Variants in ENPP7 observed in about 807,000 individuals in gnomAD.
The protein encoded by ENPP7 is ectonucleotide pyrophosphatase/phosphodiesterase 7.
Under a neutral mutation model 33.6 loss-of-function variants are expected in ENPP7, and 39 were observed. That is an observed-to-expected ratio of 1.16 (90% CI 0.90 to 1.52). The LOEUF is 1.52. Among genes scored for constraint, ENPP7 ranks in the 40% most tolerant of loss-of-function variants. ENPP7 has a pLI of 0.00. For synonymous variants in ENPP7, 244 were observed against 274.3 expected (o/e 0.89, Z 1.09); for missense variants, 594 against 641.0 (o/e 0.93, Z 0.79).
Position 79,742,065 on chromosome 17 carries a change from A to G in ENPP7, c.*288A>G, listed in dbSNP as rs967172554. The G allele has an allele frequency of 2.9e-5, 14 of 480,888 alleles. No homozygotes were observed. The highest frequency in any genetic ancestry group is 2.8e-4 in the African/African-American group (13 of 47,132). The allele number at this position is 480,888 out of a possible 1,614,324, so 29.8% of individuals were successfully genotyped here. A position where few individuals can be genotyped will look rare whatever the true frequency, so the allele number is the denominator to read the frequency against. On this transcript the variant is annotated 3_prime_UTR_variant, in exon 6 of 6. Transcript: ENST00000328313. ...CCTTCGGGCCCCCTCCTCCTGCAAA[A>G]CCCGCTCCCGAAGCGGCGCTGCCGT...
chr17:79,731,011 G>A lies in ENPP7; in HGVS notation c.-129G>A, dbSNP rs1361775244. The A allele has an allele frequency of 5.4e-5, 58 of 1,065,118 alleles. No homozygotes were observed. The Middle Eastern group carries it at 1.9e-3, about 35-fold the overall frequency. The allele number at this position is 1,065,118 out of a possible 1,614,324, so 66.0% of individuals were successfully genotyped here. On this transcript the variant is annotated 5_prime_UTR_variant, in exon 1 of 6. Coordinates refer to ENST00000328313, the MANE Select transcript of ENPP7 (RefSeq NM_178543.5). Reference sequence around the variant, plus strand: ...GGAGCCCACTCCCGAGGTTCGACCCGGGGATGTGCACAGCCACATTCCAAA... The same window carrying A: ...GGAGCCCACTCCCGAGGTTCGACCCAGGGATGTGCACAGCCACATTCCAAA...
intron 1 of ENPP7, among the ~76,000 whole-genome samples, chr17:79,733,016 C>G (rs2094289205): frequency 6.6e-6 from 1 of 152,314 alleles, no homozygotes; most frequent in Admixed American, 6.5e-5. Context: ...GGACTTAGTA[C>G]CATGTGCACG....
intron 3 of ENPP7, among the ~76,000 whole-genome samples, chr17:79,736,548 T>TAC (rs1555823633): frequency 0.011 from 1,638 of 146,914 alleles, 36 homozygotes; most frequent in African/African-American, 0.035. Flanking sequence ...TGTGTGTGTG[T>TAC]GTGTGTGTGT....
intron 1 of ENPP7, among the ~76,000 whole-genome samples, chr17:79,732,615 C>T (rs2094288600): frequency 6.6e-6 from 1 of 152,154 alleles, no homozygotes. Flanking sequence ...CTGGCGGCAG[C>T]ATCACTCCGA....
chr17:79,731,466 C>G, intron 1 of ENPP7, 74 bp downstream of exon 1: 9 of 1,513,520 alleles, frequency 5.9e-6, no homozygotes, highest in Non-Finnish European at 8.0e-6. Context: ...CCGTGTCGTG[C>G]AGGATAAAGG....
At chr17:79,740,622 A>G (rs1555824391) in intron 5 of ENPP7, among the ~76,000 whole-genome samples, 2 of 152,220 alleles carry the variant, frequency 1.3e-5, no homozygotes, top group South Asian at 4.1e-4. Flanking sequence ...ACTCACACAC[A>G]AGGAAATTGA....
intron 1 of ENPP7, among the ~76,000 whole-genome samples, chr17:79,732,655 C>T (rs945439344): frequency 3.9e-5 from 6 of 152,202 alleles, no homozygotes; most frequent in Non-Finnish European, 7.3e-5. Flanking sequence ...AGGGCCTTTC[C>T]CCTGTGTGTG....
At position 79,735,995 on chromosome 17, in the gene ENPP7, C is replaced by T. The variant is rs2094295023; in HGVS notation, c.1026+326C>T. Among the ~76,000 whole-genome samples the T allele has an allele frequency of 6.6e-6, 1 of 152,180 alleles. No individual in the cohort carries two copies. The highest frequency in any genetic ancestry group is 2.4e-5 in the African/African-American group (1 of 41,442). On this transcript the variant is annotated intron_variant, in intron 3 of 5. Transcript: ENST00000328313. The surrounding 1 kb of genome is among the most constrained non-coding windows in gnomAD (Gnocchi z 5.5). ...TGCCATCTTGGCTCGCTGCATCCTC[C>T]ACCTCCTGGGTTCAAGCGATTCTCC...
Position 79,741,793 on chromosome 17 carries a change from G to A in ENPP7, c.*17-1G>A, listed in dbSNP as rs145036727. 215 of 985,942 alleles carry A rather than the reference G, an allele frequency of 2.2e-4. 3 individuals carry two copies. The African/African-American group carries it at 3.1e-3, about 14-fold the overall frequency. 61.1% of individuals were successfully genotyped at this position (985,942 alleles called of 1,614,324 possible). ...CCAACGCGTGCTGCTTGCTCTTCCA[G>A]GAAGCCGCCGGGAGCTGCCCGCAGG... On this transcript the variant is annotated splice_acceptor_variant, in intron 5 of 5. Coordinates refer to ENST00000328313, the MANE Select transcript of ENPP7 (RefSeq NM_178543.5). LOFTEE classifies it low-confidence loss of function (3UTR_SPLICE).
chr17:79,735,241 T>G lies in ENPP7; in HGVS notation c.598T>G (p.Ser200Ala). 1 of 1,613,406 alleles carries G rather than the reference T, an allele frequency of 6.2e-7. No individual in the cohort carries two copies. The highest frequency in any genetic ancestry group is 8.5e-7 in the Non-Finnish European group (1 of 1,179,994). The change falls in exon 3 of 6, where the codon TCC becomes GCC. Residue 200 changes from serine (S) to alanine (A), a missense_variant. Around this residue, in one of 3 missense-constraint regions of ENPP7, gnomAD observed 504 missense variants for 512.8 expected, o/e 0.98. Coordinates refer to ENST00000328313, the MANE Select transcript of ENPP7 (RefSeq NM_178543.5). This position sits in a 1 kb window ranked among gnomAD's most constrained non-coding sequence, Gnocchi z 5.5. ...LVTLYFGEPD[S>A]TGHRYGPESP... is the part of the protein sequence containing the mutation. ...CACACTCTACTTCGGGGAGCCGGACTCCACGGGCCACAGGTACGGCCCCGA... is the reference window on the plus strand; with the variant it reads ...CACACTCTACTTCGGGGAGCCGGACGCCACGGGCCACAGGTACGGCCCCGA...
intron 5 of ENPP7, among the ~76,000 whole-genome samples, chr17:79,740,198 C>A (rs28696051): frequency 5.3e-5 from 8 of 151,948 alleles, no homozygotes; most frequent in Non-Finnish European, 1.2e-4. Flanking sequence ...CTTGTCTCTA[C>A]AAAATAAATC....
Position 79,731,509 on chromosome 17 carries a change from C to T in ENPP7, c.253+117C>T. 3 of 1,252,026 alleles carry T rather than the reference C, an allele frequency of 2.4e-6. 1 individual carries two copies. In the East Asian group the frequency reaches 7.7e-5, roughly 32 times the overall value. The allele number at this position is 1,252,026 out of a possible 1,614,324, so 77.6% of individuals were successfully genotyped here. A position where few individuals can be genotyped will look rare whatever the true frequency, so the allele number is the denominator to read the frequency against. On this transcript the variant is annotated intron_variant, in intron 1 of 5. Transcript: ENST00000328313. ...TCCTTGCTCCAGGCACAGGACAGAG[C>T]CAAGGGGACCATTAGGAATCCTCAC...
At position 79,742,009 on chromosome 17, in the gene ENPP7, C is replaced by T; in HGVS notation, c.*232C>T. The stretch of plus-strand genomic sequence containing the variant: ...CCGGCGAGCCGGTCCCATAACCGGC[C>T]CCCTGCCCCTGCCCCTGCTCCTGCT... On this transcript the variant is annotated 3_prime_UTR_variant, in exon 6 of 6. Transcript: ENST00000328313. 6.1e-6 allele frequency: 5 copies of T among 821,102 alleles called. No homozygotes were observed. The highest frequency in any genetic ancestry group is 5.9e-6 in the Non-Finnish European group (4 of 678,586). The allele number at this position is 821,102 out of a possible 1,614,324, so 50.9% of individuals were successfully genotyped here. A position where few individuals can be genotyped will look rare whatever the true frequency, so the allele number is the denominator to read the frequency against.
At chr17:79,732,139 T>TATATATACAC (rs1598197592) in intron 1 of ENPP7, among the ~76,000 whole-genome samples, 4 of 53,596 alleles carry the variant, frequency 7.5e-5, no homozygotes, top group African/African-American at 4.1e-4. Flanking sequence ...TATGTATATA[T>TATATATACAC]ATATATATAT....
Position 79,737,227 on chromosome 17 carries a change from C to A in ENPP7, c.1213C>A (p.His405Asn). The change falls in exon 4 of 6, where the codon CAC becomes AAC. Residue 405 changes from histidine to asparagine, a missense_variant. Around this residue, in one of 3 missense-constraint regions of ENPP7, gnomAD observed 504 missense variants for 512.8 expected, o/e 0.98. Transcript: ENST00000328313. This position sits in a 1 kb window ranked among gnomAD's most constrained non-coding sequence, Gnocchi z 5.5. Reference protein sequence around the residue: ...LGIVPEANDGHLATLLPMLHT... With the variant: ...LGIVPEANDGNLATLLPMLHT... ...CATCGTGCCCGAGGCCAACGATGGG[C>A]ACCTAGCTACTCTGCTGCCCATGCT... 1 of 1,609,774 alleles carries A rather than the reference C, an allele frequency of 6.2e-7. No homozygotes were observed. Among genetic ancestry groups the A allele is most frequent in the Non-Finnish European group, 8.5e-7 (1 of 1,179,678 alleles).
chr17:79,739,993 A>G lies in ENPP7; in HGVS notation c.*17-1801A>G, dbSNP rs1457550820. 6.6e-6 allele frequency among the ~76,000 whole-genome samples: 1 copy of G among 152,190 alleles called. No homozygotes were observed. The highest frequency in any genetic ancestry group is 1.9e-4 in the East Asian group (1 of 5,192). ...GATCGCTTGAGCCCAGGAGTTCAAG[A>G]CCAGCCTTGGCAATATAGTTAGACC... On this transcript the variant is annotated intron_variant, in intron 5 of 5. Coordinates refer to ENST00000328313, the MANE Select transcript of ENPP7 (RefSeq NM_178543.5). The surrounding 1 kb of genome is among the most constrained non-coding windows in gnomAD (Gnocchi z 4.4).
Position 79,733,692 on chromosome 17 carries a change from G to C in ENPP7, c.399+39G>C, listed in dbSNP as rs782183600. On this transcript the variant is annotated intron_variant, in intron 2 of 5. Coordinates refer to ENST00000328313, the MANE Select transcript of ENPP7 (RefSeq NM_178543.5). Reference sequence around the variant, plus strand: ...CGCCCATACTGACATCGCAGAGCACGGGGGCACCTAGGCCCAGGTGAGGCT... The same window carrying C: ...CGCCCATACTGACATCGCAGAGCACCGGGGCACCTAGGCCCAGGTGAGGCT... 3.5e-5 allele frequency: 54 copies of C among 1,560,872 alleles called. No homozygotes were observed. In the South Asian group the frequency reaches 5.9e-4, roughly 17 times the overall value.
chr17:79,734,479 A>T (rs1329939652), intron 2 of ENPP7, among the ~76,000 whole-genome samples: 8 of 140,028 alleles, frequency 5.7e-5, no homozygotes, highest in Non-Finnish European at 9.2e-5. Flanking sequence ...ATCTGGGAAC[A>T]TTTTTTTTTT....
Position 79,739,371 on chromosome 17 carries a change from G to C in ENPP7, c.*16+1309G>C, listed in dbSNP as rs1309740605. ...GATGATTAAATGAGTGGCTCCCACT[G>C]CTGGGCCGGGGACAGAAACGGGAGC... On this transcript the variant is annotated intron_variant, in intron 5 of 5. Transcript: ENST00000328313. The surrounding 1 kb of genome is among the most constrained non-coding windows in gnomAD (Gnocchi z 4.4). 6.6e-6 allele frequency: 1 copy of C among 152,362 alleles called. No homozygotes were observed. The highest frequency in any genetic ancestry group is 1.5e-5 in the Non-Finnish European group (1 of 68,124). 9.4% of individuals were successfully genotyped at this position (152,362 alleles called of 1,614,324 possible). A position where few individuals can be genotyped will look rare whatever the true frequency, so the allele number is the denominator to read the frequency against.
Sources: gnomAD v4.1 joint callset for allele counts (sites outside exome capture counted in the v4.1 genomes callset) on GRCh38, gnomAD v4.1.1 for gene constraint, gnomAD v4.1.1 regional missense constraint, Gnocchi (gnomAD v3.1) non-coding constraint, MANE v1.5 for transcripts, NCBI Gene and HGNC (gene_info 2026-07-23, HGNC 2026-07-21) for gene names.